The following DLGAP2 variants were observed in gnomAD, a reference collection of about 807,000 sequenced individuals.
DLGAP2 encodes the protein disks large-associated protein 2.
In DLGAP2, 26 loss-of-function variants were observed where a neutral mutation model predicts 100.3. The observed-to-expected ratio is 0.26, with a 90% confidence interval of 0.19 to 0.36. The LOEUF is 0.36. Ranked by LOEUF, DLGAP2 falls within the 10% of genes least tolerant of loss-of-function variation. DLGAP2 has a pLI of 1.00. For missense variants in DLGAP2, 1,858 were observed against 1,453.2 expected, an observed-to-expected ratio of 1.28 and a Z score of -4.53; for synonymous variants, 886 against 630.1, an observed-to-expected ratio of 1.41 and a Z score of -6.08.
chr8:1,061,275 A>G (rs1173988518), intron 2 of DLGAP2, among the ~76,000 whole-genome samples: 1 of 152,078 alleles, frequency 6.6e-6, no homozygotes, highest in Non-Finnish European at 1.5e-5. Flanking sequence ...TTTATGATGA[A>G]AATATGCCCG....
chr8:989,432 C>T (rs1420396344), intron 2 of DLGAP2, among the ~76,000 whole-genome samples: 1 of 152,154 alleles, frequency 6.6e-6, no homozygotes. Context: ...TGTTTTTGGC[C>T]TCTCCTGTGT....
chr8:1,289,084 G>A (rs974422768), intron 3 of DLGAP2, among the ~76,000 whole-genome samples: 3 of 152,164 alleles, frequency 2.0e-5, no homozygotes, highest in Non-Finnish European at 2.9e-5. Context: ...CTGGGAACTG[G>A]CAATGCTGAT....
At chr8:1,422,089 C>G (rs1026447887) in intron 3 of DLGAP2, among the ~76,000 whole-genome samples, 12 of 152,162 alleles carry the variant, frequency 7.9e-5, no homozygotes, top group Admixed American at 3.9e-4. Context: ...GTTTGTTACT[C>G]CATGGAATCT....
chr8:848,911 C>A (rs892997169), intron 1 of DLGAP2, among the ~76,000 whole-genome samples: 1 of 142,050 alleles, frequency 7.0e-6, no homozygotes, highest in East Asian at 2.3e-4. Context: ...CCTGTTCCAG[C>A]ATAGGAACGC....
chr8:1,039,973 C>G, intron 2 of DLGAP2, among the ~76,000 whole-genome samples: 1 of 137,100 alleles, frequency 7.3e-6, no homozygotes, highest in South Asian at 2.4e-4. Flanking sequence ...TGTGCGTGGT[C>G]GGCTCGGTGT....
At chr8:1,293,207 C>G (rs1800099146) in intron 3 of DLGAP2, among the ~76,000 whole-genome samples, 1 of 152,190 alleles carries the variant, frequency 6.6e-6, no homozygotes, top group East Asian at 1.9e-4. Context: ...CTTTTTGTCT[C>G]TGTCTCCCTC....
chr8:1,590,653 C>G (rs1302891482), intron 6 of DLGAP2, among the ~76,000 whole-genome samples: 2 of 152,236 alleles, frequency 1.3e-5, no homozygotes, highest in Non-Finnish European at 2.9e-5. Context: ...TCAAATTCCA[C>G]TTTAATTTCA....
intron 2 of DLGAP2, among the ~76,000 whole-genome samples, chr8:1,025,510 G>C (rs1045802634): frequency 6.6e-6 from 1 of 152,164 alleles, no homozygotes; most frequent in Admixed American, 6.5e-5. Context: ...AGCACAAAGA[G>C]TTACCAGAAT....
intron 3 of DLGAP2, among the ~76,000 whole-genome samples, chr8:1,363,089 C>T (rs1024300687): frequency 2.0e-5 from 3 of 152,230 alleles, no homozygotes; most frequent in African/African-American, 7.2e-5. Context: ...GAAGTCTTCT[C>T]ATTTTTAGAA....
chr8:1,417,727 A>ACGGGGAGCCCCACTCCTGCCTCACT, intron 3 of DLGAP2, among the ~76,000 whole-genome samples: 23 of 111,496 alleles, frequency 2.1e-4, no homozygotes, highest in East Asian at 3.7e-4. Context: ...GAGGCTCCAG[A>ACGGGGAGCCCCACTCCTGCCTCACT]CACAGAAGCC....
intron 3 of DLGAP2, among the ~76,000 whole-genome samples, chr8:1,387,006 T>G (rs1488197405): frequency 6.6e-6 from 1 of 152,184 alleles, no homozygotes; most frequent in Non-Finnish European, 1.5e-5. Flanking sequence ...AAAAATAAAT[T>G]TAATACTAAA....
intron 2 of DLGAP2, among the ~76,000 whole-genome samples, chr8:1,054,648 A>G (rs1479032135): frequency 5.3e-5 from 8 of 152,226 alleles, no homozygotes; most frequent in Non-Finnish European, 7.3e-5. Flanking sequence ...GAATGATCAG[A>G]TAACAATTGA....
chr8:1,101,430 G>A (rs568271812), intron 2 of DLGAP2, among the ~76,000 whole-genome samples: 6 of 152,254 alleles, frequency 3.9e-5, no homozygotes, highest in Admixed American at 6.5e-5. Flanking sequence ...TGAACAGGCC[G>A]GCCACAGAGG....
intron 2 of DLGAP2, among the ~76,000 whole-genome samples, chr8:1,065,089 A>G (rs1287169869): frequency 3.3e-5 from 5 of 152,170 alleles, no homozygotes; most frequent in Admixed American, 6.5e-5. Context: ...CTGAGAAAAT[A>G]TGTCTCCACG....
intron 12 of DLGAP2, among the ~76,000 whole-genome samples, chr8:1,679,979 C>CA (rs760100523): frequency 0.21 from 13,250 of 62,742 alleles, 2,328 homozygotes; most frequent in African/African-American, 0.43. Flanking sequence ...GACTCTGTCT[C>CA]AAAAAAAAAA....
chr8:1,200,914 C>T (rs1020790496), intron 2 of DLGAP2, among the ~76,000 whole-genome samples: 1 of 152,242 alleles, frequency 6.6e-6, no homozygotes, highest in Admixed American at 6.5e-5. Flanking sequence ...ACGCCGCCTC[C>T]GGGCGGTGCG....
rs181116033 is a variant in DLGAP2 at position 1,443,914 on chromosome 8, C to G, written c.107-57452C>G. ...AAGTGGTACTGATAAAAAACAAAAG[C>G]CTTCATTGATTAAAAGCAATAACTT... On this transcript the variant is annotated intron_variant, in intron 3 of 14. Coordinates refer to ENST00000637795, the MANE Select transcript of DLGAP2 (RefSeq NM_001346810.2). Among the ~76,000 whole-genome samples the G allele has an allele frequency of 3.9e-5, 6 of 152,240 alleles. No individual in the cohort carries two copies. In the East Asian group the frequency reaches 1.2e-3, roughly 29 times the overall value.
At chr8:1,276,423 G>A (rs948797927) in intron 3 of DLGAP2, among the ~76,000 whole-genome samples, 2 of 152,114 alleles carry the variant, frequency 1.3e-5, no homozygotes, top group African/African-American at 4.8e-5. Flanking sequence ...AACCCACCCG[G>A]CTTTGCTGAG....
chr8:834,008 CAA>C (rs893764171), intron 1 of DLGAP2, among the ~76,000 whole-genome samples: 4 of 152,192 alleles, frequency 2.6e-5, no homozygotes, highest in African/African-American at 9.6e-5. Context: ...GTGTGGGACA[CAA>C]AGAGGCCTGG....
Sources: allele counts gnomAD v4.1 joint callset (sites outside exome capture counted in the v4.1 genomes callset), GRCh38; gene constraint gnomAD v4.1.1; transcripts MANE v1.5; gene names NCBI Gene and HGNC (gene_info 2026-07-23, HGNC 2026-07-21).